UBTD2: variants seen among roughly 807,000 people sequenced by gnomAD.
UBTD2 encodes ubiquitin domain-containing protein 2.
In UBTD2, 9 loss-of-function variants were observed where a neutral mutation model predicts 19.8. That is an observed-to-expected ratio of 0.46 (90% CI 0.27 to 0.79). The LOEUF is 0.79. Among genes scored for constraint, UBTD2 ranks in the 30% least tolerant of loss-of-function variants. The probability of loss-of-function intolerance (pLI) is 0.14; values close to 1 mark genes in which losing one functional copy is unlikely to be tolerated. For synonymous variants in UBTD2, 98 were observed against 103.9 expected (o/e 0.94, Z 0.35); for missense variants, 250 against 300.4 (o/e 0.83, Z 1.24).
intron 2 of UBTD2, among the ~76,000 whole-genome samples, chr5:172,232,378 G>C (rs966670576): frequency 2.7e-5 from 4 of 150,826 alleles, no homozygotes; most frequent in African/African-American, 4.9e-5. Flanking sequence ...TCAAATGTAG[G>C]AGGGATCACT....
intron 1 of UBTD2, among the ~76,000 whole-genome samples, chr5:172,257,185 G>A (rs992913140): frequency 6.6e-6 from 1 of 152,090 alleles, no homozygotes; most frequent in Non-Finnish European, 1.5e-5. Context: ...GTTTCCTTGC[G>A]TTTACGTGTA....
chr5:172,228,835 G>A (rs1237025659), intron 2 of UBTD2, among the ~76,000 whole-genome samples: 1 of 151,952 alleles, frequency 6.6e-6, no homozygotes, highest in East Asian at 1.9e-4. Context: ...CACATAACAT[G>A]CTCTTTATAC....
At chr5:172,222,775 A>G (rs1473963483) in intron 2 of UBTD2, among the ~76,000 whole-genome samples, 2 of 152,240 alleles carry the variant, frequency 1.3e-5, no homozygotes, top group Non-Finnish European at 2.9e-5. Flanking sequence ...ATGATGTAAA[A>G]TTAATAAATA....
chr5:172,265,878 G>C (rs115692277), intron 1 of UBTD2, among the ~76,000 whole-genome samples: 3 of 151,914 alleles, frequency 2.0e-5, no homozygotes, highest in Non-Finnish European at 4.4e-5. Flanking sequence ...TAAAGCAAGT[G>C]GGAGGGGCAT....
At chr5:172,249,373 TAGGTG>T (rs1754943866) in intron 1 of UBTD2, among the ~76,000 whole-genome samples, 1 of 120,286 alleles carries the variant, frequency 8.3e-6, no homozygotes, top group African/African-American at 3.2e-5. Context: ...CACTCCAGCC[TAGGTG>T]ACAGAGCAAG....
intron 1 of UBTD2, among the ~76,000 whole-genome samples, chr5:172,253,548 G>C (rs1017194670): frequency 3.3e-5 from 5 of 151,844 alleles, no homozygotes; most frequent in Admixed American, 6.6e-5. Flanking sequence ...CCACCTCCTG[G>C]GTTCAAGCAA....
chr5:172,284,096 T>C (rs542728998), upstream of UBTD2: 1 of 150,332 alleles, frequency 6.7e-6, no homozygotes, highest in Non-Finnish European at 1.5e-5. Flanking sequence ...CGGCCTGGGC[T>C]CGGCCCGGCC....
At chr5:172,244,910 G>A (rs1754841862) in intron 1 of UBTD2, among the ~76,000 whole-genome samples, 1 of 151,968 alleles carries the variant, frequency 6.6e-6, no homozygotes, top group African/African-American at 2.4e-5. Flanking sequence ...CGTATTTTTA[G>A]TAGAGACGGG....
intron 2 of UBTD2, among the ~76,000 whole-genome samples, chr5:172,218,985 GATA>G (rs1771602891): frequency 6.6e-6 from 1 of 151,852 alleles, no homozygotes; most frequent in Non-Finnish European, 1.5e-5. Flanking sequence ...ATGTTGAAAG[GATA>G]ATAAAAGAAT....
chr5:172,227,265 T>C (rs995221055), intron 2 of UBTD2, among the ~76,000 whole-genome samples: 1 of 152,180 alleles, frequency 6.6e-6, no homozygotes, highest in Non-Finnish European at 1.5e-5. Flanking sequence ...ATTGCTCTAA[T>C]TGAAGGAAAA....
intron 1 of UBTD2, among the ~76,000 whole-genome samples, chr5:172,282,672 A>G: frequency 6.6e-6 from 1 of 152,244 alleles, no homozygotes; most frequent in East Asian, 1.9e-4. Flanking sequence ...TTATCACTAA[A>G]ATATTCTACA....
chr5:172,235,693 T>C (rs1771994843), intron 1 of UBTD2, among the ~76,000 whole-genome samples: 1 of 152,228 alleles, frequency 6.6e-6, no homozygotes, highest in Non-Finnish European at 1.5e-5. Flanking sequence ...CAGATAACCA[T>C]CTGGTGTATT....
At chr5:172,248,511 C>T (rs1754928000) in intron 1 of UBTD2, among the ~76,000 whole-genome samples, 1 of 152,040 alleles carries the variant, frequency 6.6e-6, no homozygotes, top group South Asian at 2.1e-4. Flanking sequence ...TTGCTTGAAC[C>T]CAGGAGGCGA....
rs1433417964 is a variant in UBTD2, at chr5:172,234,288, A to C, written c.141T>G (p.Asp47Glu). ...CATCCCTCTTGCTGCGTAGTTGTCC[A>C]TCTGTCATAGGATAATCGCTTTTCC... Reference protein sequence around the residue: ...PKWKSDYPMTDGQLRSKRDEF... With the variant: ...PKWKSDYPMTEGQLRSKRDEF... The change falls in exon 2 of 3, where the codon GAT becomes GAG. Residue 47 changes from aspartate to glutamate, a missense_variant. Transcript: ENST00000393792. 2 of 1,614,174 alleles carry C rather than the reference A, an allele frequency of 1.2e-6. No individual in the cohort carries two copies. Among genetic ancestry groups the C allele is most frequent in the Non-Finnish European group, 1.7e-6 (2 of 1,180,030 alleles).
chr5:172,283,647 C>A lies in UBTD2; in HGVS notation c.19G>T (p.Ala7Ser), dbSNP rs750642861. ...AGGCTGCCCGAGGAGTCGTGCTGGG[C>A]GCCCACACACCCGCCCATGGGGGCC... is the stretch of plus-strand genomic sequence containing the variant. MGGCVG[A>S]QHDSSGSLNE... Residue 7 changes from alanine (A) to serine (S), a missense_variant, in exon 1 of 3, where the codon GCC becomes TCC. Transcript: ENST00000393792. This position sits in a 1 kb window ranked among gnomAD's most constrained non-coding sequence, Gnocchi z 4.3. 1.6e-6 allele frequency: 2 copies of A among 1,267,580 alleles called. No individual in the cohort carries two copies. Among genetic ancestry groups the A allele is most frequent in the Non-Finnish European group, 1.0e-6 (1 of 999,916 alleles). The allele number at this position is 1,267,580 out of a possible 1,614,324, so 78.5% of individuals were successfully genotyped here. A position where few individuals can be genotyped will look rare whatever the true frequency, so the allele number is the denominator to read the frequency against.
Position 172,283,690 on chromosome 5 carries a change from C to T in UBTD2, c.-25G>A, listed in dbSNP as rs1251523882. The T allele has an allele frequency of 8.2e-7, 1 of 1,223,926 alleles. No homozygotes were observed. Among genetic ancestry groups the T allele is most frequent in the Admixed American group, 4.3e-5 (1 of 23,148 alleles). 75.8% of individuals were successfully genotyped at this position (1,223,926 alleles called of 1,614,324 possible). ...TGGGGGCCCCCGGCGCCTCGTCCGC[C>T]ACCTCCGGACGCTCGTCCGGGCCCG... On this transcript the variant is annotated 5_prime_UTR_variant, in exon 1 of 3. Coordinates refer to ENST00000393792, the MANE Select transcript of UBTD2 (RefSeq NM_152277.3). This position sits in a 1 kb window ranked among gnomAD's most constrained non-coding sequence, Gnocchi z 4.3.
intron 2 of UBTD2, among the ~76,000 whole-genome samples, chr5:172,221,494 C>T (rs1456002213): frequency 2.0e-5 from 3 of 151,880 alleles, no homozygotes; most frequent in Admixed American, 6.6e-5. Context: ...AGAGTAAGAC[C>T]CTATCTATAA....
rs573875585 is a variant in UBTD2, at chr5:172,280,082, A to G, written c.70+3514T>C. ...GTGCCATTGCATTCCAGCCTGGGCA[A>G]CAAGAGTGAAACGACGTCTCAAAAA... On this transcript the variant is annotated intron_variant, in intron 1 of 2. Transcript: ENST00000393792. Among the ~76,000 whole-genome samples, 12 of 152,256 alleles carry G rather than the reference A, an allele frequency of 7.9e-5. 1 individual carries two copies. In the South Asian group the frequency reaches 2.5e-3, roughly 32 times the overall value.
intron 1 of UBTD2, among the ~76,000 whole-genome samples, chr5:172,258,672 T>C (rs1173501352): frequency 1.3e-5 from 2 of 152,208 alleles, no homozygotes; most frequent in South Asian, 4.1e-4. Flanking sequence ...GATCTTTCAC[T>C]TCCCGCGTTG....
Sources: gnomAD v4.1 joint callset for allele counts (sites outside exome capture counted in the v4.1 genomes callset) on GRCh38, gnomAD v4.1.1 for gene constraint, Gnocchi (gnomAD v3.1) non-coding constraint, MANE v1.5 for transcripts, NCBI Gene and HGNC (gene_info 2026-07-23, HGNC 2026-07-21) for gene names.